NTM: variants seen among roughly 807,000 people sequenced by gnomAD.
The protein encoded by NTM is IgLON family member 2.
In NTM, 13 loss-of-function variants were observed where a neutral mutation model predicts 42.1. The observed-to-expected ratio is 0.31, with a 90% CI of 0.20 to 0.49. The LOEUF (loss-of-function observed/expected upper bound fraction) is 0.49, where lower values mean the gene tolerates loss of function less well. NTM is among the 20% of genes least tolerant of loss of function. The probability of loss-of-function intolerance (pLI) is 0.99; values close to 1 mark genes in which losing one functional copy is unlikely to be tolerated. For synonymous variants in NTM, 187 were observed against 179.2 expected, an observed-to-expected ratio of 1.04 and a Z score of -0.35; for missense variants, 373 against 452.8, an observed-to-expected ratio of 0.82 and a Z score of 1.60.
intron 1 of NTM, among the ~76,000 whole-genome samples, chr11:131,906,183 A>G (rs2137812752): frequency 6.6e-6 from 1 of 152,302 alleles, no homozygotes; most frequent in Admixed American, 6.5e-5. Flanking sequence ...TTTGAGTTCA[A>G]CCAAATAATG....
chr11:131,781,987 G>C (rs949280610), intron 1 of NTM, among the ~76,000 whole-genome samples: 1 of 152,224 alleles, frequency 6.6e-6, no homozygotes, highest in African/African-American at 2.4e-5. Context: ...CAGCATGGTG[G>C]AGGACTCCTG....
intron 2 of NTM, among the ~76,000 whole-genome samples, chr11:132,067,291 A>G (rs377472029): frequency 3.9e-5 from 6 of 152,298 alleles, no homozygotes; most frequent in African/African-American, 1.2e-4. Flanking sequence ...AGTGTGCCCA[A>G]CCTTTGGCTT....
intron 2 of NTM, among the ~76,000 whole-genome samples, chr11:131,931,467 ACGTGTG>A (rs1237453526): frequency 2.9e-5 from 2 of 67,944 alleles, no homozygotes; most frequent in African/African-American, 8.8e-5. Flanking sequence ...AATAATATAT[ACGTGTG>A]TGTGTGTGTG....
At chr11:131,632,951 G>C (rs940203127) in intron 1 of NTM, among the ~76,000 whole-genome samples, 1 of 147,018 alleles carries the variant, frequency 6.8e-6, no homozygotes, top group Non-Finnish European at 1.5e-5. Context: ...AGGATTACAG[G>C]CGTGAGCCAC....
intron 4 of NTM, among the ~76,000 whole-genome samples, chr11:132,215,860 A>C (rs1179608156): frequency 6.6e-6 from 1 of 152,128 alleles, no homozygotes; most frequent in Non-Finnish European, 1.5e-5. Context: ...AAGAGCCCCC[A>C]TCTCACTCCT....
chr11:132,000,897 A>G lies in NTM; in HGVS notation c.167+89249A>G, dbSNP rs73586656. Reference sequence around the variant, plus strand: ...AAGAAATGACTTTTTACTGGCGTTTATCTTACCTGGATTTTTCTCAGGAGG... The same window carrying G: ...AAGAAATGACTTTTTACTGGCGTTTGTCTTACCTGGATTTTTCTCAGGAGG... On this transcript the variant is annotated intron_variant, in intron 2 of 8. Transcript: ENST00000683400. 6.7e-3 allele frequency among the ~76,000 whole-genome samples: 1,026 copies of G among 152,342 alleles called. 16 individuals are homozygous for G. Among genetic ancestry groups the G allele is most frequent in the African/African-American group, 0.024 (979 of 41,580 alleles).
chr11:132,240,318 C>A (rs1052481603), intron 4 of NTM, among the ~76,000 whole-genome samples: 3 of 152,244 alleles, frequency 2.0e-5, no homozygotes, highest in South Asian at 2.1e-4. Context: ...GAGATAATGT[C>A]TAATTCTTTT....
chr11:131,978,985 T>C (rs1055381108), intron 2 of NTM, among the ~76,000 whole-genome samples: 3 of 152,156 alleles, frequency 2.0e-5, no homozygotes, highest in Admixed American at 6.5e-5. Flanking sequence ...TCTAACTCCC[T>C]TGTTTTTTAA....
intron 1 of NTM, among the ~76,000 whole-genome samples, chr11:131,824,143 T>C (rs547566): frequency 0.38 from 58,407 of 152,074 alleles, 11,633 homozygotes; most frequent in South Asian, 0.57. Context: ...AATTTCCTTC[T>C]ACATAAGCTT....
chr11:131,393,877 C>T (rs1944289312), intron 1 of NTM, among the ~76,000 whole-genome samples: 1 of 152,214 alleles, frequency 6.6e-6, no homozygotes, highest in Non-Finnish European at 1.5e-5. Context: ...TTTCCTACCT[C>T]CTTCAGCCTA....
intron 1 of NTM, among the ~76,000 whole-genome samples, chr11:131,693,847 A>G (rs186697039): frequency 5.8e-4 from 89 of 152,298 alleles, no homozygotes; most frequent in Non-Finnish European, 1.2e-3. Flanking sequence ...ACTGGAAGCG[A>G]GAGAGGAGAA....
intron 1 of NTM, among the ~76,000 whole-genome samples, chr11:131,650,278 T>TG (rs758850446): frequency 2.0e-5 from 3 of 152,114 alleles, no homozygotes; most frequent in South Asian, 2.1e-4. Flanking sequence ...CTCCTAAATT[T>TG]GGGGGGTACA....
chr11:131,931,578 T>G (rs1337659715), intron 2 of NTM, among the ~76,000 whole-genome samples: 1 of 151,930 alleles, frequency 6.6e-6, no homozygotes, highest in Non-Finnish European at 1.5e-5. Context: ...CATCCCCATG[T>G]GTAGGGCGTT....
intron 2 of NTM, among the ~76,000 whole-genome samples, chr11:132,113,900 C>G (rs2063546857): frequency 6.6e-6 from 1 of 152,144 alleles, no homozygotes; most frequent in Non-Finnish European, 1.5e-5. Flanking sequence ...GCTTTCAGCC[C>G]CACTGATGGC....
chr11:131,706,188 C>G (rs974490336), intron 1 of NTM, among the ~76,000 whole-genome samples: 3 of 151,650 alleles, frequency 2.0e-5, no homozygotes, highest in Non-Finnish European at 4.4e-5. Context: ...AGTGGCTATA[C>G]TTATACTGGA....
At chr11:132,332,673 T>C (rs888853838) in intron 8 of NTM, 2 of 152,190 alleles carry the variant, frequency 1.3e-5, no homozygotes, top group African/African-American at 4.8e-5. Flanking sequence ...GCCATTGAGA[T>C]CTGCCACAGG....
intron 1 of NTM, among the ~76,000 whole-genome samples, chr11:131,751,772 C>A (rs902761113): frequency 3.4e-5 from 5 of 147,490 alleles, no homozygotes; most frequent in African/African-American, 1.3e-4. Flanking sequence ...CTCACCCCCC[C>A]CCAAAATATA....
chr11:132,201,191 C>T (rs2081101664), intron 3 of NTM, among the ~76,000 whole-genome samples: 1 of 152,130 alleles, frequency 6.6e-6, no homozygotes, highest in Admixed American at 6.5e-5. Flanking sequence ...GCTGGAGCTG[C>T]CAGTGGCACC....
intron 1 of NTM, among the ~76,000 whole-genome samples, chr11:131,512,684 C>G (rs775372115): frequency 6.6e-6 from 1 of 152,190 alleles, no homozygotes; most frequent in African/African-American, 2.4e-5. Flanking sequence ...CAGAGCAGGC[C>G]GTGGAATCCT....
Sources: allele counts gnomAD v4.1 joint callset (sites outside exome capture counted in the v4.1 genomes callset), GRCh38; gene constraint gnomAD v4.1.1; transcripts MANE v1.5; gene names NCBI Gene and HGNC (gene_info 2026-07-23, HGNC 2026-07-21).